The following SV2B variants were observed in gnomAD, a reference collection of about 807,000 sequenced individuals.
SV2B encodes synaptic vesicle glycoprotein 2B.
SV2B carries 41 observed loss-of-function variants against 73.9 expected under a neutral mutation model. The ratio of observed to expected loss-of-function variants is 0.56; its 90% CI spans 0.43 to 0.72. SV2B has a LOEUF of 0.72. SV2B is among the 30% of genes least tolerant of loss of function. The pLI is 0.00. For synonymous variants in SV2B, 314 were observed against 314.2 expected (o/e 1.00, Z 0.01); for missense variants, 764 against 857.8 (o/e 0.89, Z 1.37).
chr15:91,268,289 A>T lies in SV2B; in HGVS notation c.1209-152A>T. The stretch of plus-strand genomic sequence containing the variant: ...TCATAGTTTTCCCCTTGTATTTATT[A>T]ATATGAGGATTTATATTGTCAGATT... On this transcript the variant is annotated intron_variant, in intron 8 of 12. Coordinates refer to ENST00000394232, the MANE Select transcript of SV2B (RefSeq NM_001323032.3). This position sits in a 1 kb window ranked among gnomAD's most constrained non-coding sequence, Gnocchi z 4.4. 1.3e-6 allele frequency: 1 copy of T among 749,610 alleles called. No individual in the cohort carries two copies. Among genetic ancestry groups the T allele is most frequent in the Non-Finnish European group, 2.0e-6 (1 of 489,196 alleles). The allele number at this position is 749,610 out of a possible 1,614,324, so 46.4% of individuals were successfully genotyped here. A position where few individuals can be genotyped will look rare whatever the true frequency, so the allele number is the denominator to read the frequency against.
intron 1 of SV2B, among the ~76,000 whole-genome samples, chr15:91,209,114 GTTTTTTTTTT>G (rs903531189): frequency 5.6e-5 from 5 of 90,022 alleles, no homozygotes; most frequent in African/African-American, 3.1e-4. Context: ...ACTGTTTTTT[GTTTTTTTTTT>G]TTTTTTTTTT....
intron 1 of SV2B, among the ~76,000 whole-genome samples, chr15:91,185,574 T>A (rs1053848510): frequency 6.6e-6 from 1 of 152,208 alleles, no homozygotes; most frequent in Non-Finnish European, 1.5e-5. Flanking sequence ...AAGGGAGATG[T>A]TTCTGGCCTC....
At chr15:91,221,695 A>ACGTGCGCGCACGCGCGCG (rs937088399) in intron 1 of SV2B, among the ~76,000 whole-genome samples, 1 of 132,330 alleles carries the variant, frequency 7.6e-6, no homozygotes, top group African/African-American at 3.1e-5. Context: ...GCATGTGCGC[A>ACGTGCGCGCACGCGCGCG]CACACACACA....
Position 91,291,686 on chromosome 15 carries a change from C to T in SV2B, c.1869-683C>T, listed in dbSNP as rs184865609. Among the ~76,000 whole-genome samples, 514 of 152,266 alleles carry T rather than the reference C, an allele frequency of 3.4e-3. 3 individuals are homozygous for T. Among genetic ancestry groups the T allele is most frequent in the Non-Finnish European group, 4.6e-3 (310 of 68,032 alleles). On this transcript the variant is annotated intron_variant, in intron 12 of 12. Coordinates refer to ENST00000394232, the MANE Select transcript of SV2B (RefSeq NM_001323032.3). ...AAGTCTAGAGTGGGTGGTGCAGGCT[C>T]TTTCTATCTCATTGTTTTTCCTTGC...
rs543028704 is a variant in SV2B, at chr15:91,274,437, G to A, written c.1373+5832G>A. Among the ~76,000 whole-genome samples the A allele has an allele frequency of 1.1e-4, 17 of 152,302 alleles. No individual in the cohort carries two copies. The South Asian group carries it at 3.5e-3, about 32-fold the overall frequency. ...GTAAAACCAGCCTCTATAACCAAGT[G>A]AGCCTGCCATCTATGGAGACAATAC... On this transcript the variant is annotated intron_variant, in intron 9 of 12. Transcript: ENST00000394232.
At chr15:91,230,655 C>T (rs1300388531) in intron 2 of SV2B, among the ~76,000 whole-genome samples, 3 of 152,200 alleles carry the variant, frequency 2.0e-5, no homozygotes, top group Admixed American at 2.0e-4. Flanking sequence ...CTTCAACTCT[C>T]AATGAAGAAG....
Position 91,226,041 on chromosome 15 carries a change from A to C in SV2B, c.-223A>C. On this transcript the variant is annotated 5_prime_UTR_variant, in exon 2 of 13. Transcript: ENST00000394232. ...GCTTGAAACTTTCCAGACTTCCAAC[A>C]GACATCGAGTGCAAAAGGATATTTA... The C allele has an allele frequency of 1.8e-6, 1 of 553,064 alleles. No homozygotes were observed. The highest frequency in any genetic ancestry group is 3.2e-6 in the Non-Finnish European group (1 of 315,212). The allele number at this position is 553,064 out of a possible 1,614,324, so 34.3% of individuals were successfully genotyped here.
intron 1 of SV2B, among the ~76,000 whole-genome samples, chr15:91,172,361 C>T (rs976804441): frequency 3.3e-5 from 5 of 152,250 alleles, no homozygotes; most frequent in Non-Finnish European, 4.4e-5. Flanking sequence ...CCTTCAAGGT[C>T]TCCTATGTGT....
In SV2B at chr15:91,220,373, C is replaced by T. The variant is rs1488366430; in HGVS notation, c.-391-5500C>T. ...GGTCTTCTCATAGCCTTTAATATAG[C>T]AATGTGCATTGTGCATTTCTGAAAG... On this transcript the variant is annotated intron_variant, in intron 1 of 12. Transcript: ENST00000394232. The surrounding 1 kb of genome is among the most constrained non-coding windows in gnomAD (Gnocchi z 4.1). Among the ~76,000 whole-genome samples the T allele has an allele frequency of 6.6e-6, 1 of 152,146 alleles. No homozygotes were observed. Among genetic ancestry groups the T allele is most frequent in the Admixed American group, 6.5e-5 (1 of 15,272 alleles).
Position 91,136,492 on chromosome 15 carries a change from C to T in SV2B, c.-392+36129C>T, listed in dbSNP as rs116115423. On this transcript the variant is annotated intron_variant, in intron 1 of 12. Transcript: ENST00000394232. The surrounding 1 kb of genome is among the most constrained non-coding windows in gnomAD (Gnocchi z 5.6). ...GGCCCATGCGTCTCGGGTGCTTTGT[C>T]CCAGGGAGAGAACTGTGCGGCGGAG... Among the ~76,000 whole-genome samples, 8 of 152,298 alleles carry T rather than the reference C, an allele frequency of 5.3e-5. No homozygotes were observed. The highest frequency in any genetic ancestry group is 1.9e-4 in the African/African-American group (8 of 41,554).
intron 1 of SV2B, among the ~76,000 whole-genome samples, chr15:91,153,203 T>C (rs962893696): frequency 1.3e-5 from 2 of 152,230 alleles, no homozygotes; most frequent in Non-Finnish European, 2.9e-5. Context: ...ACTTACTTAC[T>C]TCACCTCCAC....
rs113655810 is a variant in SV2B, at chr15:91,268,240, C to A, written c.1209-201C>A. 6.6e-6 allele frequency among the ~76,000 whole-genome samples: 1 copy of A among 152,192 alleles called. No homozygotes were observed. The highest frequency in any genetic ancestry group is 1.5e-5 in the Non-Finnish European group (1 of 68,034). Reference sequence around the variant, plus strand: ...GAAAACATTTCTTTTAAATCAAATGCCTTTTCAGCATTTATGGAGGTGGTC... The same window carrying A: ...GAAAACATTTCTTTTAAATCAAATGACTTTTCAGCATTTATGGAGGTGGTC... On this transcript the variant is annotated intron_variant, in intron 8 of 12. Coordinates refer to ENST00000394232, the MANE Select transcript of SV2B (RefSeq NM_001323032.3). The surrounding 1 kb of genome is among the most constrained non-coding windows in gnomAD (Gnocchi z 4.4).
In SV2B at chr15:91,281,329, C is replaced by T. The variant is rs568422081; in HGVS notation, c.1374-399C>T. Among the ~76,000 whole-genome samples, 2 of 152,344 alleles carry T rather than the reference C, an allele frequency of 1.3e-5. No individual in the cohort carries two copies. Among genetic ancestry groups the T allele is most frequent in the African/African-American group, 4.8e-5 (2 of 41,570 alleles). On this transcript the variant is annotated intron_variant, in intron 9 of 12. Coordinates refer to ENST00000394232, the MANE Select transcript of SV2B (RefSeq NM_001323032.3). The surrounding 1 kb of genome is among the most constrained non-coding windows in gnomAD (Gnocchi z 4.7). The stretch of plus-strand genomic sequence containing the variant: ...TTAAAAATGAAGATTCTCAGACCTT[C>T]ACAATTCTATGGCTTCCAAAACTTC...
At chr15:91,125,031 C>G (rs2042436151) in intron 1 of SV2B, among the ~76,000 whole-genome samples, 1 of 152,184 alleles carries the variant, frequency 6.6e-6, no homozygotes, top group South Asian at 2.1e-4. Flanking sequence ...CTACTCAGGT[C>G]CCTTTCCTTG....
In SV2B at chr15:91,240,837, C is replaced by T. The variant is rs762292614; in HGVS notation, c.452-10982C>T. Reference sequence around the variant, plus strand: ...CTTCTCCTCTGAGGATGTTAATTAGCCCTGCAGCCTCAGATGAGTGCTCTT... The same window carrying T: ...CTTCTCCTCTGAGGATGTTAATTAGTCCTGCAGCCTCAGATGAGTGCTCTT... On this transcript the variant is annotated intron_variant, in intron 2 of 12. Transcript: ENST00000394232. This position sits in a 1 kb window ranked among gnomAD's most constrained non-coding sequence, Gnocchi z 4.6. Among the ~76,000 whole-genome samples, 3 of 152,170 alleles carry T rather than the reference C, an allele frequency of 2.0e-5. No individual in the cohort carries two copies. Among genetic ancestry groups the T allele is most frequent in the Non-Finnish European group, 4.4e-5 (3 of 68,044 alleles).
At position 91,280,638 on chromosome 15, in the gene SV2B, A is replaced by C. The variant is rs999518760; in HGVS notation, c.1374-1090A>C. ...TGTGAGATACATTTTTAAATGTTGC[A>C]TTGTTCTTTCCTATTAAATATGCAG... On this transcript the variant is annotated intron_variant, in intron 9 of 12. Coordinates refer to ENST00000394232, the MANE Select transcript of SV2B (RefSeq NM_001323032.3). The surrounding 1 kb of genome is among the most constrained non-coding windows in gnomAD (Gnocchi z 5.8). Among the ~76,000 whole-genome samples the C allele has an allele frequency of 5.3e-5, 8 of 152,240 alleles. No individual in the cohort carries two copies. The highest frequency in any genetic ancestry group is 1.7e-4 in the African/African-American group (7 of 41,472).
chr15:91,225,290 C>G (rs550277470), intron 1 of SV2B, among the ~76,000 whole-genome samples: 1 of 149,132 alleles, frequency 6.7e-6, no homozygotes, highest in Admixed American at 6.6e-5. Flanking sequence ...AGCTGGGATT[C>G]AAGAAAAATG....
In SV2B at chr15:91,223,845, C is replaced by T. The variant is rs2046292891; in HGVS notation, c.-391-2028C>T. Among the ~76,000 whole-genome samples the T allele has an allele frequency of 6.6e-6, 1 of 152,182 alleles. No individual in the cohort carries two copies. ...GTATTTCTTGCTGGCTTCTTTGGCACTGTTTCTCAAAGTGCAGTCCTGGAT... is the reference window on the plus strand; with the variant it reads ...GTATTTCTTGCTGGCTTCTTTGGCATTGTTTCTCAAAGTGCAGTCCTGGAT... On this transcript the variant is annotated intron_variant, in intron 1 of 12. Transcript: ENST00000394232. The surrounding 1 kb of genome is among the most constrained non-coding windows in gnomAD (Gnocchi z 4.6).
chr15:91,277,196 G>A, intron 9 of SV2B, among the ~76,000 whole-genome samples: 1 of 151,948 alleles, frequency 6.6e-6, no homozygotes, highest in East Asian at 1.9e-4. Flanking sequence ...TGACAGTAGG[G>A]ACTAAAAAAT....
Sources: allele counts gnomAD v4.1 joint callset (sites outside exome capture counted in the v4.1 genomes callset), GRCh38; gene constraint gnomAD v4.1.1; non-coding constraint Gnocchi (gnomAD v3.1); transcripts MANE v1.5; gene names NCBI Gene and HGNC (gene_info 2026-07-23, HGNC 2026-07-21).